The following SMAP1 variants were observed in gnomAD, a reference collection of about 807,000 sequenced individuals.
SMAP1 encodes the protein stromal membrane-associated protein 1.
In SMAP1, 24 loss-of-function variants were observed where a neutral mutation model predicts 58.5. The observed-to-expected ratio is 0.41, with a 90% CI of 0.30 to 0.58. The LOEUF (loss-of-function observed/expected upper bound fraction) is 0.58, where lower values mean the gene tolerates loss of function less well. Among genes scored for constraint, SMAP1 ranks in the 20% least tolerant of loss-of-function variants. The pLI is 0.29. For synonymous variants in SMAP1, 216 were observed against 196.6 expected (o/e 1.10, Z -0.82); for missense variants, 563 against 566.3 (o/e 0.99, Z 0.06).
intron 1 of SMAP1, among the ~76,000 whole-genome samples, chr6:70,696,772 T>C (rs1168440193): frequency 6.6e-6 from 1 of 152,230 alleles, no homozygotes; most frequent in Non-Finnish European, 1.5e-5. Flanking sequence ...TGGTCTATAG[T>C]TCAGATTAAG....
At chr6:70,856,821 A>T (rs201533441) in intron 8 of SMAP1, 38 bp from the exon 9 acceptor site, 8 of 1,555,336 alleles carry the variant, frequency 5.1e-6, no homozygotes, top group South Asian at 2.5e-5. Flanking sequence ...GCGCTTTACT[A>T]TGCAGAATTT....
chr6:70,805,349 A>G (rs1769074369), intron 6 of SMAP1, among the ~76,000 whole-genome samples: 2 of 152,154 alleles, frequency 1.3e-5, no homozygotes, highest in Non-Finnish European at 2.9e-5. Flanking sequence ...TTTCAGCTCC[A>G]TCAGGTCATT....
At chr6:70,694,267 T>G (rs1767308268) in intron 1 of SMAP1, 1 of 199,674 alleles carries the variant, frequency 5.0e-6, no homozygotes, top group Admixed American at 6.1e-5. Flanking sequence ...ATAATTCTCT[T>G]CATACTGTGT....
At chr6:70,831,389 T>TG (rs1187675487) in intron 6 of SMAP1, among the ~76,000 whole-genome samples, 2 of 152,124 alleles carry the variant, frequency 1.3e-5, no homozygotes, top group Non-Finnish European at 2.9e-5. Flanking sequence ...GCATAATACC[T>TG]GATAGTTTTT....
At chr6:70,810,287 G>T (rs865996644) in intron 6 of SMAP1, among the ~76,000 whole-genome samples, 2 of 152,200 alleles carry the variant, frequency 1.3e-5, no homozygotes, top group Middle Eastern at 3.4e-3. Flanking sequence ...GGGACTGCAG[G>T]CATACACCAA....
intron 8 of SMAP1, among the ~76,000 whole-genome samples, chr6:70,855,408 G>C (rs2150012105): frequency 6.6e-6 from 1 of 152,224 alleles, no homozygotes; most frequent in South Asian, 2.1e-4. Flanking sequence ...GTGAATATTA[G>C]GCTGCTCTAC....
At chr6:70,700,519 A>G (rs1355304257) in intron 1 of SMAP1, among the ~76,000 whole-genome samples, 5 of 152,210 alleles carry the variant, frequency 3.3e-5, no homozygotes, top group African/African-American at 4.8e-5. Flanking sequence ...ACAGGTCTCA[A>G]ACTCCTGGCC....
intron 6 of SMAP1, among the ~76,000 whole-genome samples, chr6:70,819,072 CTG>C (rs1372255164): frequency 6.6e-6 from 1 of 152,128 alleles, no homozygotes; most frequent in South Asian, 2.1e-4. Context: ...CTTTCTGTCT[CTG>C]TAGATTTACC....
intron 1 of SMAP1, among the ~76,000 whole-genome samples, chr6:70,706,275 C>T (rs1767834152): frequency 1.3e-5 from 2 of 152,008 alleles, no homozygotes; most frequent in African/African-American, 2.4e-5. Context: ...AGAGAAACAA[C>T]AAAATTAAGT....
rs182975850 is a variant in SMAP1, at chr6:70,678,601, A to G, written c.118+10460A>G. ...AACTGAATGGCTTAAAACAATACCA[A>G]TTTATCATTTTAGCAGGTTTGCAGG... On this transcript the variant is annotated intron_variant, in intron 1 of 10. Coordinates refer to ENST00000370455, the MANE Select transcript of SMAP1 (RefSeq NM_001044305.3). 1.6e-3 allele frequency among the ~76,000 whole-genome samples: 241 copies of G among 152,308 alleles called. 1 individual carries two copies. The highest frequency in any genetic ancestry group is 2.9e-3 in the Non-Finnish European group (200 of 68,026).
At chr6:70,833,923 A>G (rs566503561) in intron 6 of SMAP1, among the ~76,000 whole-genome samples, 1 of 152,278 alleles carries the variant, frequency 6.6e-6, no homozygotes, top group East Asian at 1.9e-4. Context: ...TTGCACAGCT[A>G]TATATATGTT....
chr6:70,785,918 T>C lies in SMAP1; in HGVS notation c.415-5771T>C, dbSNP rs1237077924. 6.6e-5 allele frequency among the ~76,000 whole-genome samples: 10 copies of C among 152,160 alleles called. No individual in the cohort carries two copies. In the East Asian group the frequency reaches 1.9e-3, roughly 29 times the overall value. ...TTCCTTCTGAAACGATTCCAATCAA[T>C]AGAAAAAGAGGGAATCCTCCCTAAC... On this transcript the variant is annotated intron_variant, in intron 4 of 10. Transcript: ENST00000370455.
intron 4 of SMAP1, among the ~76,000 whole-genome samples, chr6:70,787,752 A>G (rs1447718284): frequency 6.6e-6 from 1 of 151,630 alleles, no homozygotes; most frequent in East Asian, 1.9e-4. Flanking sequence ...ACAATGAGAT[A>G]CCGTCTCACA....
At chr6:70,786,337 G>A (rs1239141707) in intron 4 of SMAP1, among the ~76,000 whole-genome samples, 1 of 145,316 alleles carries the variant, frequency 6.9e-6, no homozygotes, top group African/African-American at 2.6e-5. Context: ...CAAACCCACA[G>A]CCAATATCAT....
At position 70,857,970 on chromosome 6, in the gene SMAP1, C is replaced by T; in HGVS notation, c.1010C>T (p.Ala337Val). Residue 337 changes from alanine to valine, a missense_variant, in exon 10 of 11, where the codon GCT becomes GTT. Transcript: ENST00000370455. ...ATACCATTTACCTCACAAGCACCAG[C>T]TGCATTTCAGGGCTTTCCATCGATG... is the stretch of plus-strand genomic sequence containing the variant. ...TNIPFTSQAP[A>V]AFQGFPSMGV... 1 of 1,614,150 alleles carries T rather than the reference C, an allele frequency of 6.2e-7. No individual in the cohort carries two copies. The highest frequency in any genetic ancestry group is 8.5e-7 in the Non-Finnish European group (1 of 1,180,000).
intron 3 of SMAP1, among the ~76,000 whole-genome samples, chr6:70,766,080 A>G (rs905307687): frequency 5.3e-5 from 8 of 152,068 alleles, no homozygotes; most frequent in East Asian, 1.9e-4. Context: ...TGAACTCATC[A>G]TTTTTTATGG....
At chr6:70,691,850 C>T (rs1057279748) in intron 1 of SMAP1, among the ~76,000 whole-genome samples, 4 of 152,162 alleles carry the variant, frequency 2.6e-5, no homozygotes, top group African/African-American at 9.7e-5. Flanking sequence ...TTGTCTTTAT[C>T]CATTCCCCTG....
intron 1 of SMAP1, among the ~76,000 whole-genome samples, chr6:70,692,991 G>C (rs990309515): frequency 6.6e-6 from 1 of 152,090 alleles, no homozygotes; most frequent in Non-Finnish European, 1.5e-5. Flanking sequence ...CACCATGTTA[G>C]CCAGGATGGT....
At chr6:70,764,578 G>T (rs1431396382) in intron 3 of SMAP1, among the ~76,000 whole-genome samples, 1 of 152,232 alleles carries the variant, frequency 6.6e-6, no homozygotes, top group African/African-American at 2.4e-5. Context: ...CAGAGCCTGG[G>T]TGACAGCACA....
Sources: allele counts gnomAD v4.1 joint callset (sites outside exome capture counted in the v4.1 genomes callset), GRCh38; gene constraint gnomAD v4.1.1; transcripts MANE v1.5; gene names NCBI Gene and HGNC (gene_info 2026-07-23, HGNC 2026-07-21).